The following SAP30BP variants were observed in gnomAD, a reference collection of about 807,000 sequenced individuals.
SAP30BP encodes the protein SAP30-binding protein.
A neutral mutation model predicts 46.3 loss-of-function variants in SAP30BP; 31 were observed. The observed-to-expected ratio is 0.67, with a 90% CI of 0.50 to 0.90. The LOEUF is 0.90. Among genes scored for constraint, SAP30BP ranks in the 40% least tolerant of loss-of-function variants. The pLI is 0.00. For synonymous variants in SAP30BP, 169 were observed against 144.2 expected (o/e 1.17, Z -1.23); for missense variants, 312 against 391.0 (o/e 0.80, Z 1.70).
At chr17:75,703,710 G>A in intron 7 of SAP30BP, 98 bp from the exon 8 acceptor site, 2 of 1,104,696 alleles carry the variant, frequency 1.8e-6, no homozygotes, top group Non-Finnish European at 2.8e-6. Context: ...CCCCGGGTAA[G>A]GGGACCCCAG....
At chr17:75,693,400 G>T (rs780122611) in intron 3 of SAP30BP, 40 bp from the exon 4 acceptor site, 9 of 1,583,400 alleles carry the variant, frequency 5.7e-6, no homozygotes, top group South Asian at 1.1e-5. Context: ...TGGTTCAGGA[G>T]CCCCAGTCTT....
intron 4 of SAP30BP, among the ~76,000 whole-genome samples, chr17:75,697,223 C>T (rs1360955904): frequency 6.6e-6 from 1 of 152,232 alleles, no homozygotes; most frequent in Non-Finnish European, 1.5e-5. Flanking sequence ...GATAGGTTCT[C>T]TCCAGCCCAG....
chr17:75,695,543 G>A (rs2060304702), intron 4 of SAP30BP, among the ~76,000 whole-genome samples: 1 of 152,124 alleles, frequency 6.6e-6, no homozygotes, highest in African/African-American at 2.4e-5. Flanking sequence ...TCTTTAAGCG[G>A]CATCGTTTTG....
At chr17:75,675,576 T>C (rs1400120018) in intron 3 of SAP30BP, among the ~76,000 whole-genome samples, 1 of 152,224 alleles carries the variant, frequency 6.6e-6, no homozygotes, top group African/African-American at 2.4e-5. Flanking sequence ...ATGTTTACTA[T>C]TTTATAAGTT....
chr17:75,667,581 A>C (rs1490912563), intron 1 of SAP30BP, 103 bp downstream of exon 1: 23 of 1,042,626 alleles, frequency 2.2e-5, no homozygotes, highest in Non-Finnish European at 3.0e-5. Flanking sequence ...TGCTCCAAGC[A>C]CCGGACCCCG....
At chr17:75,693,834 T>G (rs1654097960) in intron 4 of SAP30BP, among the ~76,000 whole-genome samples, 1 of 152,142 alleles carries the variant, frequency 6.6e-6, no homozygotes, top group African/African-American at 2.4e-5. Flanking sequence ...CCCTCTCCGC[T>G]GGCATATGCA....
At chr17:75,672,004 T>G in intron 3 of SAP30BP, 141 bp downstream of exon 3, 1 of 745,428 alleles carries the variant, frequency 1.3e-6, no homozygotes, top group East Asian at 2.5e-5. Context: ...AAAATAAGCT[T>G]TATAAAGAAA....
chr17:75,702,257 C>G (rs1180687798), intron 5 of SAP30BP, among the ~76,000 whole-genome samples: 3 of 152,138 alleles, frequency 2.0e-5, no homozygotes, highest in African/African-American at 7.2e-5. Flanking sequence ...ATCTCTGGAC[C>G]TCGTGATCCA....
At chr17:75,675,636 C>T (rs1449233250) in intron 3 of SAP30BP, among the ~76,000 whole-genome samples, 1 of 151,970 alleles carries the variant, frequency 6.6e-6, no homozygotes, top group Admixed American at 6.6e-5. Context: ...AAACCTGATC[C>T]GGCCACAGTG....
At chr17:75,676,706 A>T (rs1341009768) in intron 3 of SAP30BP, among the ~76,000 whole-genome samples, 1 of 152,266 alleles carries the variant, frequency 6.6e-6, no homozygotes, top group Non-Finnish European at 1.5e-5. Flanking sequence ...ACCTGAGGTC[A>T]GCTGCAGTCT....
At chr17:75,692,292 T>C (rs2060253203) in intron 3 of SAP30BP, 1 of 985,554 alleles carries the variant, frequency 1.0e-6, no homozygotes. Flanking sequence ...TGGTGTGCCA[T>C]GTCTGTGTAA....
chr17:75,702,414 G>T (rs1219126320), intron 5 of SAP30BP, 66 bp from the exon 6 acceptor site: 3 of 671,690 alleles, frequency 4.5e-6, no homozygotes, highest in Non-Finnish European at 5.4e-6. Context: ...GGTGACCAGG[G>T]GCTGGGACGG....
chr17:75,693,416 C>T, intron 3 of SAP30BP, 24 bp from the exon 4 acceptor site: 1 of 1,611,894 alleles, frequency 6.2e-7, no homozygotes, highest in Non-Finnish European at 8.5e-7. Context: ...GTCTTACCTC[C>T]TCGTATTTGT....
intron 1 of SAP30BP, among the ~76,000 whole-genome samples, chr17:75,667,745 A>T (rs2059820159): frequency 6.6e-6 from 1 of 152,232 alleles, no homozygotes. Context: ...ACGAAGAGGG[A>T]GCGGCTGCTC....
intron 2 of SAP30BP, among the ~76,000 whole-genome samples, chr17:75,669,489 C>T (rs1388267170): frequency 1.3e-5 from 2 of 152,122 alleles, no homozygotes; most frequent in African/African-American, 2.4e-5. Flanking sequence ...GTGATCCACC[C>T]GCCTCATCCT....
chr17:75,671,213 G>A (rs114164248), intron 2 of SAP30BP, among the ~76,000 whole-genome samples: 1,546 of 152,326 alleles, frequency 0.01, 23 homozygotes, highest in African/African-American at 0.034. Context: ...CTCCTGAAAG[G>A]TTGGGCATTG....
chr17:75,698,856 C>T (rs1327961314), intron 4 of SAP30BP, among the ~76,000 whole-genome samples: 1 of 152,200 alleles, frequency 6.6e-6, no homozygotes, highest in African/African-American at 2.4e-5. Context: ...CCCAGCTGGT[C>T]ATTAAACATT....
At chr17:75,669,040 A>ATATCT (rs779999720) in intron 2 of SAP30BP, among the ~76,000 whole-genome samples, 1 of 151,820 alleles carries the variant, frequency 6.6e-6, no homozygotes, top group Non-Finnish European at 1.5e-5. Flanking sequence ...TATTAACAAG[A>ATATCT]TAAGAAAGGA....
intron 4 of SAP30BP, 90 bp downstream of exon 4, chr17:75,693,572 G>T: frequency 8.4e-7 from 1 of 1,194,940 alleles, no homozygotes; most frequent in Non-Finnish European, 1.2e-6. Flanking sequence ...GCCCCACAGG[G>T]CTTCTGTCTG....
Sources: allele counts gnomAD v4.1 joint callset (sites outside exome capture counted in the v4.1 genomes callset), GRCh38; gene constraint gnomAD v4.1.1; transcripts MANE v1.5; gene names NCBI Gene and HGNC (gene_info 2026-07-23, HGNC 2026-07-21).